PDZRN4: variants seen among roughly 807,000 people sequenced by gnomAD.
PDZRN4 encodes PDZ domain containing ring finger 4.
PDZRN4 carries 70 observed loss-of-function variants against 99.0 expected under a neutral mutation model. The observed-to-expected ratio is 0.71, with a 90% CI of 0.58 to 0.86. The LOEUF (loss-of-function observed/expected upper bound fraction) is 0.86. Ranked by LOEUF, PDZRN4 falls within the 40% of genes least tolerant of loss-of-function variation. PDZRN4 has a pLI of 0.00. For synonymous variants in PDZRN4, 551 were observed against 501.6 expected, an observed-to-expected ratio of 1.10 and a Z score of -1.32; for missense variants, 1,474 against 1,331.2, an observed-to-expected ratio of 1.11 and a Z score of -1.67.
At chr12:41,540,557 C>T (rs988652841) in intron 5 of PDZRN4, among the ~76,000 whole-genome samples, 8 of 152,176 alleles carry the variant, frequency 5.3e-5, no homozygotes, top group African/African-American at 1.9e-4. Flanking sequence ...TAGGTTTGCA[C>T]TATATTTTTT....
At chr12:41,413,515 G>C (rs1952416046) in intron 3 of PDZRN4, among the ~76,000 whole-genome samples, 1 of 151,980 alleles carries the variant, frequency 6.6e-6, no homozygotes, top group Admixed American at 6.6e-5. Flanking sequence ...GCTAGAAGGA[G>C]GATTGAATGT....
intron 3 of PDZRN4, among the ~76,000 whole-genome samples, chr12:41,500,608 T>C (rs1938092548): frequency 6.6e-6 from 1 of 152,122 alleles, no homozygotes; most frequent in Non-Finnish European, 1.5e-5. Flanking sequence ...AAGTTAATTT[T>C]AGTCAGGTTT....
intron 3 of PDZRN4, among the ~76,000 whole-genome samples, chr12:41,340,428 G>A (rs1317236835): frequency 1.3e-5 from 2 of 151,892 alleles, no homozygotes; most frequent in Non-Finnish European, 2.9e-5. Context: ...ACCAGAGGCT[G>A]GGAAGGGTAG....
chr12:41,338,756 A>G (rs2121009703), intron 3 of PDZRN4, among the ~76,000 whole-genome samples: 2 of 152,152 alleles, frequency 1.3e-5, no homozygotes. Context: ...TAAAGTATAA[A>G]GAAATAGAAA....
chr12:41,342,816 T>C (rs970552331), intron 3 of PDZRN4, among the ~76,000 whole-genome samples: 1 of 151,828 alleles, frequency 6.6e-6, no homozygotes, highest in African/African-American at 2.4e-5. Flanking sequence ...CAAAAAATTA[T>C]AAAATAGAAC....
At chr12:41,193,288 A>T (rs140555380) in intron 2 of PDZRN4, among the ~76,000 whole-genome samples, 254 of 152,334 alleles carry the variant, frequency 1.7e-3, no homozygotes, top group African/African-American at 5.8e-3. Context: ...AAAATTCATG[A>T]TAAGGACAGC....
chr12:41,297,199 TC>T (rs1188149276), intron 3 of PDZRN4, among the ~76,000 whole-genome samples: 3 of 152,078 alleles, frequency 2.0e-5, no homozygotes, highest in Non-Finnish European at 4.4e-5. Context: ...CTTTTTGAAG[TC>T]CCCTTGTATA....
In PDZRN4 at chr12:41,270,322, G is replaced by C. The variant is rs12310484; in HGVS notation, c.843+76134G>C. 3.8e-5 allele frequency among the ~76,000 whole-genome samples: 5 copies of C among 132,194 alleles called. No homozygotes were observed. In the East Asian group the frequency reaches 9.9e-4, roughly 26 times the overall value. The allele number at this position is 132,194 out of a possible 152,430, so 86.7% of individuals were successfully genotyped here. A position where few individuals can be genotyped will look rare whatever the true frequency, so the allele number is the denominator to read the frequency against. ...GTGTCTGTGTGTGTGGTGTGTGTGT[G>C]TGTCTGTGTGTGTGTGTGTGTGTGT... On this transcript the variant is annotated intron_variant, in intron 3 of 9. Coordinates refer to ENST00000402685, the MANE Select transcript of PDZRN4 (RefSeq NM_001164595.2).
At chr12:41,443,889 G>T (rs917936752) in intron 3 of PDZRN4, among the ~76,000 whole-genome samples, 5 of 152,082 alleles carry the variant, frequency 3.3e-5, no homozygotes, top group Non-Finnish European at 7.4e-5. Flanking sequence ...CTAAAACTTG[G>T]CATATATGTG....
At chr12:41,513,371 G>T (rs1592092329) in intron 5 of PDZRN4, among the ~76,000 whole-genome samples, 1 of 151,998 alleles carries the variant, frequency 6.6e-6, no homozygotes, top group South Asian at 2.1e-4. Context: ...ATTTGACTGG[G>T]TTTAAAATTT....
intron 3 of PDZRN4, among the ~76,000 whole-genome samples, chr12:41,237,951 G>GCT (rs1471475021): frequency 1.3e-5 from 2 of 152,010 alleles, no homozygotes; most frequent in Non-Finnish European, 2.9e-5. Context: ...GGCTACTCAG[G>GCT]CTCTTTTTTC....
intron 3 of PDZRN4, among the ~76,000 whole-genome samples, chr12:41,254,314 T>C (rs1038284664): frequency 6.6e-6 from 1 of 152,090 alleles, no homozygotes; most frequent in East Asian, 1.9e-4. Flanking sequence ...CTTCCCCAAA[T>C]ACCCAATAGG....
At chr12:41,539,548 T>C (rs1417842280) in intron 5 of PDZRN4, among the ~76,000 whole-genome samples, 1 of 152,060 alleles carries the variant, frequency 6.6e-6, no homozygotes, top group African/African-American at 2.4e-5. Flanking sequence ...CAGGAAAAAC[T>C]CCCTCTCCCC....
At chr12:41,280,355 G>A (rs1006749765) in intron 3 of PDZRN4, among the ~76,000 whole-genome samples, 1 of 152,116 alleles carries the variant, frequency 6.6e-6, no homozygotes, top group African/African-American at 2.4e-5. Context: ...TGGAATGCCA[G>A]CAAGACAGAC....
chr12:41,305,201 C>T (rs904437979), intron 3 of PDZRN4, among the ~76,000 whole-genome samples: 10 of 152,152 alleles, frequency 6.6e-5, no homozygotes, highest in Middle Eastern at 3.2e-3. Flanking sequence ...AAAGCCAACA[C>T]GTTTCACTCT....
At chr12:41,372,623 A>T (rs1169559451) in intron 3 of PDZRN4, among the ~76,000 whole-genome samples, 1 of 152,178 alleles carries the variant, frequency 6.6e-6, no homozygotes. Flanking sequence ...TAGCATTTTT[A>T]ATGGTAATAA....
chr12:41,572,969 G>T lies in PDZRN4; in HGVS notation c.2190G>T (p.Lys730Asn), dbSNP rs113916113. The T allele has an allele frequency of 1.2e-6, 2 of 1,614,156 alleles. No individual in the cohort carries two copies. The highest frequency in any genetic ancestry group is 1.7e-6 in the Non-Finnish European group (2 of 1,180,012). ...ATGACATCATGGAGCATCCAGAAAA[G>T]TCTGACAAGGACAGTTCTAGTGCTT... Reference protein sequence around the residue: ...KLDDIMEHPEKSDKDSSSAYN... With the variant: ...KLDDIMEHPENSDKDSSSAYN... Residue 730 changes from lysine (K) to asparagine (N), a missense_variant, in exon 10 of 10, where the codon AAG (lysine) becomes AAT (asparagine). By Grantham distance (94) the Lys-to-Asn change is moderately conservative. Transcript: ENST00000402685.
chr12:41,453,771 A>G (rs1170526167), intron 3 of PDZRN4, among the ~76,000 whole-genome samples: 1 of 152,044 alleles, frequency 6.6e-6, no homozygotes. Context: ...TATTTCTCTG[A>G]AAGCGTAAAT....
chr12:41,417,376 G>A (rs575348183), intron 3 of PDZRN4, among the ~76,000 whole-genome samples: 1 of 152,208 alleles, frequency 6.6e-6, no homozygotes, highest in African/African-American at 2.4e-5. Flanking sequence ...CTAATTTCAA[G>A]GAGGACAATT....
Sources: gnomAD v4.1 joint callset for allele counts (sites outside exome capture counted in the v4.1 genomes callset) on GRCh38, gnomAD v4.1.1 for gene constraint, MANE v1.5 for transcripts, NCBI Gene and HGNC (gene_info 2026-07-23, HGNC 2026-07-21) for gene names.